The following SPATS2 variants were observed in gnomAD, a reference collection of about 807,000 sequenced individuals.
SPATS2 encodes spermatogenesis associated serine rich 2.
Under a neutral mutation model 63.7 loss-of-function variants are expected in SPATS2, and 38 were observed. The ratio of observed to expected loss-of-function variants is 0.60; its 90% CI spans 0.46 to 0.78. The LOEUF is 0.78. SPATS2 is among the 30% of genes least tolerant of loss of function. SPATS2 has a pLI of 0.00. For missense variants in SPATS2, 588 were observed against 666.2 expected (o/e 0.88, Z 1.29); for synonymous variants, 207 against 232.9 (o/e 0.89, Z 1.01).
At chr12:49,490,823 T>C (rs1946369886) in intron 6 of SPATS2, 92 bp downstream of exon 6, 5 of 1,193,784 alleles carry the variant, frequency 4.2e-6, no homozygotes, top group Non-Finnish European at 6.0e-6. Flanking sequence ...AAGGTTCACA[T>C]ACATATCTTC....
At chr12:49,407,397 G>C (rs1489416690) in intron 2 of SPATS2, among the ~76,000 whole-genome samples, 1 of 152,124 alleles carries the variant, frequency 6.6e-6, no homozygotes, top group African/African-American at 2.4e-5. Context: ...TGGACTAAAA[G>C]GTTGTACAAA....
chr12:49,470,565 A>G (rs1946017250), intron 3 of SPATS2, among the ~76,000 whole-genome samples: 2 of 152,232 alleles, frequency 1.3e-5, no homozygotes, highest in Non-Finnish European at 2.9e-5. Flanking sequence ...AAAGAAAAAT[A>G]TAACTTAGGA....
chr12:49,438,745 A>G (rs148064141), intron 2 of SPATS2, among the ~76,000 whole-genome samples: 305 of 152,324 alleles, frequency 2.0e-3, no homozygotes, highest in African/African-American at 6.8e-3. Flanking sequence ...TGGCTTAATG[A>G]ATTATTTATT....
chr12:49,421,429 A>C lies in SPATS2; in HGVS notation c.-243-39341A>C, dbSNP rs1052884317. Among the ~76,000 whole-genome samples, 308 of 150,624 alleles carry C rather than the reference A, an allele frequency of 2.0e-3. 1 individual carries two copies. The highest frequency in any genetic ancestry group is 7.1e-3 in the African/African-American group (292 of 41,230). The stretch of plus-strand genomic sequence containing the variant: ...AAGACTTTGTCTCAAAAAAAAAAAA[A>C]AAAAAAAAAAAAAACAACCTTTGCA... On this transcript the variant is annotated intron_variant, in intron 2 of 13. Coordinates refer to ENST00000552918, the MANE Select transcript of SPATS2 (RefSeq NM_023071.4).
At chr12:49,473,082 C>CA (rs1378398890) in intron 3 of SPATS2, among the ~76,000 whole-genome samples, 4 of 148,372 alleles carry the variant, frequency 2.7e-5, no homozygotes, top group East Asian at 4.0e-4. Context: ...ACAACCACAA[C>CA]AAAAAACAGA....
At chr12:49,466,829 G>A (rs150857445) in intron 3 of SPATS2, among the ~76,000 whole-genome samples, 252 of 152,226 alleles carry the variant, frequency 1.7e-3, no homozygotes, top group African/African-American at 5.5e-3. Context: ...GTTCTTACAA[G>A]AATATCTGCT....
intron 3 of SPATS2, among the ~76,000 whole-genome samples, chr12:49,469,753 T>G (rs902216126): frequency 1.3e-5 from 2 of 151,248 alleles, no homozygotes; most frequent in African/African-American, 2.4e-5. Flanking sequence ...CTGAGCGTGG[T>G]GCTGCACGCC....
At chr12:49,467,328 C>T (rs1218527363) in intron 3 of SPATS2, among the ~76,000 whole-genome samples, 1 of 151,190 alleles carries the variant, frequency 6.6e-6, no homozygotes, top group Non-Finnish European at 1.5e-5. Flanking sequence ...TTCCAAAGTG[C>T]TGGGATTATA....
intron 11 of SPATS2, 147 bp from the exon 12 acceptor site, chr12:49,522,604 C>A: frequency 1.8e-6 from 1 of 552,792 alleles, no homozygotes; most frequent in Non-Finnish European, 3.2e-6. Context: ...TATTCGATCA[C>A]CTGGCGTTGG....
At chr12:49,374,053 T>C (rs1035013822) in intron 2 of SPATS2, among the ~76,000 whole-genome samples, 1 of 151,570 alleles carries the variant, frequency 6.6e-6, no homozygotes, top group African/African-American at 2.4e-5. Flanking sequence ...GTCACTGCAC[T>C]CCAACCTAAA....
At chr12:49,450,868 T>G (rs927609435) in intron 2 of SPATS2, among the ~76,000 whole-genome samples, 3 of 151,300 alleles carry the variant, frequency 2.0e-5, no homozygotes, top group Admixed American at 2.0e-4. Flanking sequence ...TTTGTTTTGT[T>G]TTTTGTTTTT....
chr12:49,484,114 GAC>G (rs1436221797), intron 3 of SPATS2, among the ~76,000 whole-genome samples: 2 of 152,142 alleles, frequency 1.3e-5, no homozygotes, highest in Admixed American at 6.5e-5. Flanking sequence ...TTATATTAGG[GAC>G]ACACACATGA....
At chr12:49,424,729 T>C (rs1049215272) in intron 2 of SPATS2, among the ~76,000 whole-genome samples, 2 of 152,168 alleles carry the variant, frequency 1.3e-5, no homozygotes, top group Admixed American at 6.6e-5. Flanking sequence ...CAGCCTGGAG[T>C]GAAGTGGCGA....
chr12:49,388,900 G>A (rs1944368615), intron 2 of SPATS2, among the ~76,000 whole-genome samples: 1 of 150,874 alleles, frequency 6.6e-6, no homozygotes, highest in East Asian at 2.0e-4. Context: ...CACTATGTTG[G>A]CCAGGCTGGT....
At chr12:49,508,899 C>G (rs894603713) in intron 9 of SPATS2, among the ~76,000 whole-genome samples, 1 of 151,988 alleles carries the variant, frequency 6.6e-6, no homozygotes, top group Non-Finnish European at 1.5e-5. Context: ...CCCCATTTCT[C>G]CTAAAAATAC....
chr12:49,465,976 G>A (rs948584094), intron 3 of SPATS2, among the ~76,000 whole-genome samples: 2 of 150,206 alleles, frequency 1.3e-5, no homozygotes, highest in East Asian at 2.0e-4. Flanking sequence ...CTTTTAAAAA[G>A]TAGAAGTTTT....
At chr12:49,422,111 C>T (rs1357654201) in intron 2 of SPATS2, among the ~76,000 whole-genome samples, 1 of 152,150 alleles carries the variant, frequency 6.6e-6, no homozygotes, top group Non-Finnish European at 1.5e-5. Flanking sequence ...TGGGCCTTTG[C>T]TGCTTTATGA....
intron 9 of SPATS2, among the ~76,000 whole-genome samples, chr12:49,503,330 A>G (rs1279907823): frequency 6.6e-6 from 1 of 150,912 alleles, no homozygotes; most frequent in African/African-American, 2.4e-5. Context: ...AGCCTGGGCG[A>G]TAGGGCGAGA....
chr12:49,424,228 A>G (rs1173295422), intron 2 of SPATS2, among the ~76,000 whole-genome samples: 1 of 152,042 alleles, frequency 6.6e-6, no homozygotes, highest in Admixed American at 6.6e-5. Context: ...ACAAACAAAA[A>G]AAACAAACTC....
Sources: allele counts gnomAD v4.1 joint callset (sites outside exome capture counted in the v4.1 genomes callset), GRCh38; gene constraint gnomAD v4.1.1; transcripts MANE v1.5; gene names NCBI Gene and HGNC (gene_info 2026-07-23, HGNC 2026-07-21).